BICDL1: variants seen among roughly 807,000 people sequenced by gnomAD.
The protein encoded by BICDL1 is BICD family-like cargo adapter 1.
A neutral mutation model predicts 76.8 loss-of-function variants in BICDL1; 20 were observed. The observed-to-expected ratio is 0.26, with a 90% CI of 0.18 to 0.38. BICDL1 has a LOEUF of 0.38. Ranked by LOEUF, BICDL1 falls within the 10% of genes least tolerant of loss-of-function variation. The probability of loss-of-function intolerance (pLI) is 1.00; values close to 1 mark genes in which losing one functional copy is unlikely to be tolerated. For synonymous variants in BICDL1, 383 were observed against 337.1 expected (o/e 1.14, Z -1.49); for missense variants, 700 against 798.6 (o/e 0.88, Z 1.49).
chr12:120,072,565 C>T lies in BICDL1; in HGVS notation c.1144C>T (p.Leu382Phe), dbSNP rs745768124. 1.9e-6 allele frequency: 3 copies of T among 1,614,196 alleles called. No individual in the cohort carries two copies. Among genetic ancestry groups the T allele is most frequent in the Non-Finnish European group, 2.5e-6 (3 of 1,180,042 alleles). Reference sequence around the variant, plus strand: ...CCAGGTTCGCTATCTGTGCTCACACCTTCGAGGCAATGACAGTGCTGACTC... The same window carrying T: ...CCAGGTTCGCTATCTGTGCTCACACTTTCGAGGCAATGACAGTGCTGACTC... ...YCQVRYLCSH[L>F]RGNDSADSAV... is the part of the protein sequence containing the mutation. Residue 382 changes from leucine (L) to phenylalanine (F), a missense_variant, in exon 6 of 10, where the codon CTT becomes TTT. Coordinates refer to ENST00000548673, the MANE Select transcript of BICDL1 (RefSeq NM_001367886.1).
chr12:120,071,772 G>C lies in BICDL1; in HGVS notation c.1060G>C (p.Ala354Pro). The C allele has an allele frequency of 6.2e-7, 1 of 1,610,264 alleles. No homozygotes were observed. The highest frequency in any genetic ancestry group is 1.3e-5 in the African/African-American group (1 of 74,844). Residue 354 changes from alanine (A) to proline (P), a missense_variant, in exon 5 of 10, where the codon GCT becomes CCT. Physicochemically the swap from Ala to Pro is conservative, Grantham distance 27. Transcript: ENST00000548673. The surrounding 1 kb of genome is among the most constrained non-coding windows in gnomAD (Gnocchi z 4.8). ...LLSEIEQSME[A>P]EELEQEREQL... ...GTCAGAGATCGAGCAGAGCATGGAG[G>C]CTGAGGAGCTGGAGCAGGAGCGAGA...
chr12:120,015,854 T>TA (rs923285105), intron 2 of BICDL1, among the ~76,000 whole-genome samples: 18 of 152,240 alleles, frequency 1.2e-4, no homozygotes, highest in Admixed American at 9.8e-4. Context: ...ACCCCCTTTT[T>TA]AAAACCTAAT....
chr12:120,007,454 AC>A (rs1158472738), intron 2 of BICDL1, among the ~76,000 whole-genome samples: 2 of 151,210 alleles, frequency 1.3e-5, no homozygotes, highest in East Asian at 3.9e-4. Flanking sequence ...AGTGTCCCCC[AC>A]CCCCCACGTA....
chr12:120,091,838 A>C, intron 9 of BICDL1: 1 of 985,400 alleles, frequency 1.0e-6, no homozygotes, highest in Non-Finnish European at 1.2e-6. Flanking sequence ...GGGCCCAGCC[A>C]GCCCAACTTC....
intron 2 of BICDL1, among the ~76,000 whole-genome samples, chr12:120,015,530 A>G (rs1050438447): frequency 3.3e-5 from 5 of 152,050 alleles, no homozygotes; most frequent in African/African-American, 1.2e-4. Context: ...TTCTTTTGTC[A>G]TTTACATTCT....
At chr12:120,081,349 C>CTTTT (rs1184204926) in intron 8 of BICDL1, among the ~76,000 whole-genome samples, 2 of 116,960 alleles carry the variant, frequency 1.7e-5, no homozygotes, top group African/African-American at 3.5e-5. Context: ...AAGAGCTTTC[C>CTTTT]TTTTTTTTTT....
intron 7 of BICDL1, chr12:120,080,653 G>A (rs575271337): frequency 1.8e-4 from 71 of 398,388 alleles, no homozygotes; most frequent in African/African-American, 1.2e-3. Flanking sequence ...CAGGTCCAGA[G>A]CTAAATTCCC....
chr12:120,024,699 C>CT (rs931738709), intron 2 of BICDL1, among the ~76,000 whole-genome samples: 13 of 143,750 alleles, frequency 9.0e-5, no homozygotes, highest in Non-Finnish European at 1.4e-4. Flanking sequence ...TTCTTTCTTT[C>CT]TTTTTTTTAA....
intron 1 of BICDL1, 127 bp from the exon 2 acceptor site, chr12:119,998,394 C>T: frequency 1.5e-6 from 1 of 686,808 alleles, no homozygotes; most frequent in Non-Finnish European, 2.3e-6. Context: ...GGCAACTTGT[C>T]CTATGTGGTA....
intron 2 of BICDL1, among the ~76,000 whole-genome samples, chr12:120,014,050 G>T (rs1436246905): frequency 1.3e-5 from 2 of 152,222 alleles, no homozygotes; most frequent in African/African-American, 4.8e-5. Flanking sequence ...GTCACAGCCA[G>T]TAAACCTGTG....
At chr12:120,058,590 C>CTT (rs1039285394) in intron 2 of BICDL1, among the ~76,000 whole-genome samples, 32 of 136,124 alleles carry the variant, frequency 2.4e-4, no homozygotes, top group South Asian at 4.7e-4. Context: ...AAATTTTTTT[C>CTT]TTTTTTTTTT....
At chr12:120,015,516 C>A (rs4105713) in intron 2 of BICDL1, among the ~76,000 whole-genome samples, 52,066 of 151,978 alleles carry the variant, frequency 0.34, 11,865 homozygotes, top group African/African-American at 0.65. Flanking sequence ...GTGCTTTAGT[C>A]CCTTTCTTTT....
intron 2 of BICDL1, among the ~76,000 whole-genome samples, chr12:120,015,210 T>C (rs781198262): frequency 3.9e-5 from 6 of 152,224 alleles, no homozygotes; most frequent in Non-Finnish European, 5.9e-5. Flanking sequence ...TCCTTGCCTT[T>C]AAGCTCTGCT....
chr12:120,043,221 C>T (rs905999371), intron 2 of BICDL1, among the ~76,000 whole-genome samples: 1 of 152,182 alleles, frequency 6.6e-6, no homozygotes, highest in East Asian at 1.9e-4. Context: ...TATTCATCTT[C>T]CTTTTCCTTG....
At chr12:120,039,193 A>T (rs1283214822) in intron 2 of BICDL1, among the ~76,000 whole-genome samples, 2 of 151,878 alleles carry the variant, frequency 1.3e-5, no homozygotes, top group Non-Finnish European at 2.9e-5. Flanking sequence ...GCTACTTGTG[A>T]GGCTAAGGCA....
intron 8 of BICDL1, among the ~76,000 whole-genome samples, chr12:120,089,702 C>T (rs1395128821): frequency 2.0e-5 from 3 of 152,186 alleles, no homozygotes; most frequent in Admixed American, 6.5e-5. Flanking sequence ...TTTCTTTATC[C>T]GTGAGGTGGG....
At chr12:120,011,555 G>A (rs1235465115) in intron 2 of BICDL1, among the ~76,000 whole-genome samples, 3 of 152,024 alleles carry the variant, frequency 2.0e-5, no homozygotes, top group Admixed American at 1.3e-4. Flanking sequence ...TTTGTACTCA[G>A]GTAATATCTT....
At chr12:120,050,301 CTG>C (rs1230009871) in intron 2 of BICDL1, among the ~76,000 whole-genome samples, 1 of 148,392 alleles carries the variant, frequency 6.7e-6, no homozygotes, top group East Asian at 2.0e-4. Context: ...GAGTCTCACT[CTG>C]TCGCCCAGGC....
rs564763829 is a variant in BICDL1 at position 120,017,057 on chromosome 12, C to T, written c.645+18321C>T. On this transcript the variant is annotated intron_variant, in intron 2 of 9. Coordinates refer to ENST00000548673, the MANE Select transcript of BICDL1 (RefSeq NM_001367886.1). ...GACTACAGGCACCCGCCACCACACC[C>T]GGCTAATTTTTTGTATTTTTAGTAG... 2.0e-4 allele frequency among the ~76,000 whole-genome samples: 30 copies of T among 152,204 alleles called. 1 individual carries two copies. Among genetic ancestry groups the T allele is most frequent in the South Asian group, 4.2e-4 (2 of 4,818 alleles).
Sources: gnomAD v4.1 joint callset for allele counts (sites outside exome capture counted in the v4.1 genomes callset) on GRCh38, gnomAD v4.1.1 for gene constraint, Gnocchi (gnomAD v3.1) non-coding constraint, MANE v1.5 for transcripts, NCBI Gene and HGNC (gene_info 2026-07-23, HGNC 2026-07-21) for gene names.